ZBTB38: variants seen among roughly 807,000 people sequenced by gnomAD.
ZBTB38 encodes the protein zinc finger and BTB domain containing 38.
ZBTB38 carries 20 observed loss-of-function variants against 76.8 expected under a neutral mutation model. The ratio of observed to expected loss-of-function variants is 0.26; its 90% CI spans 0.18 to 0.38. The LOEUF is 0.38. Ranked by LOEUF, ZBTB38 falls within the 10% of genes least tolerant of loss-of-function variation. The pLI is 1.00. For missense variants in ZBTB38, 1,082 were observed against 1,482.3 expected, an observed-to-expected ratio of 0.73 and a Z score of 4.43; for synonymous variants, 504 against 544.2, an observed-to-expected ratio of 0.93 and a Z score of 1.03.
Position 141,444,151 on chromosome 3 carries a change from A to T in ZBTB38, c.1763A>T (p.Asn588Ile), listed in dbSNP as rs201503155. 190 of 1,614,034 alleles carry T rather than the reference A, an allele frequency of 1.2e-4. No individual in the cohort carries two copies. Among genetic ancestry groups the T allele is most frequent in the Non-Finnish European group, 1.5e-4 (178 of 1,179,926 alleles). Residue 588 changes from asparagine (N) to isoleucine (I), a missense_variant, in exon 6 of 6, where the codon AAT becomes ATT. Physicochemically the swap from Asn to Ile is moderately radical, Grantham distance 149. Transcript: ENST00000321464. This position sits in a 1 kb window ranked among gnomAD's most constrained non-coding sequence, Gnocchi z 5.1. ...AGCTACCGAAATTCTTCCTATGAAA[A>T]TGCACGAGAAAACAGTCAAATGAAT... ...YKSYRNSSYENARENSQMNES... is the reference protein window; with the variant it reads ...YKSYRNSSYEIARENSQMNES...
chr3:141,441,288 G>C (rs1432789104), intron 5 of ZBTB38, among the ~76,000 whole-genome samples: 1 of 152,168 alleles, frequency 6.6e-6, no homozygotes, highest in Non-Finnish European at 1.5e-5. Flanking sequence ...ATACAGAGAA[G>C]AATGGAGATG....
At chr3:141,354,486 CT>C (rs1943606250) in intron 1 of ZBTB38, among the ~76,000 whole-genome samples, 1 of 152,092 alleles carries the variant, frequency 6.6e-6, no homozygotes. Context: ...CCCCTCCTCT[CT>C]CTCCCAGCTG....
intron 5 of ZBTB38, among the ~76,000 whole-genome samples, chr3:141,421,076 T>C (rs2075250859): frequency 6.6e-6 from 1 of 152,000 alleles, no homozygotes; most frequent in Non-Finnish European, 1.5e-5. Context: ...CACTTACTAC[T>C]TGCTATGTAC....
chr3:141,445,343 A>C lies in ZBTB38; in HGVS notation c.2955A>C (p.Glu985Asp). 1 of 1,614,022 alleles carries C rather than the reference A, an allele frequency of 6.2e-7. No individual in the cohort carries two copies. The highest frequency in any genetic ancestry group is 8.5e-7 in the Non-Finnish European group (1 of 1,180,018). The change falls in exon 6 of 6, where the codon GAA (glutamate) becomes GAC (aspartate). Residue 985 changes from glutamate (E) to aspartate (D), a missense_variant. By Grantham distance (45) the Glu-to-Asp change is conservative. This residue lies in a region of ZBTB38 where 471 missense variants were observed against 581.0 expected (regional missense o/e 0.81). Coordinates refer to ENST00000321464, the MANE Select transcript of ZBTB38 (RefSeq NM_001376113.1). The surrounding 1 kb of genome is among the most constrained non-coding windows in gnomAD (Gnocchi z 6.5). ...AAGAGATGCCCAAGCTGCAGTGTGA[A>C]CTCTGTGATGGAGACAAAGCAGTGG... ...ETKEMPKLQC[E>D]LCDGDKAVGA...
At chr3:141,401,506 C>A (rs2149547086) in intron 4 of ZBTB38, among the ~76,000 whole-genome samples, 1 of 152,174 alleles carries the variant, frequency 6.6e-6, no homozygotes, top group East Asian at 1.9e-4. Context: ...TGATCACATT[C>A]TTAAAACATG....
At chr3:141,415,696 C>T (rs546387215) in intron 5 of ZBTB38, among the ~76,000 whole-genome samples, 14 of 152,236 alleles carry the variant, frequency 9.2e-5, no homozygotes, top group Admixed American at 2.6e-4. Context: ...TGGTCTTAGG[C>T]GGTGGGGTTG....
chr3:141,340,923 A>T (rs1463050473), intron 1 of ZBTB38, among the ~76,000 whole-genome samples: 2 of 100,646 alleles, frequency 2.0e-5, no homozygotes, highest in African/African-American at 1.2e-4. Flanking sequence ...AGAAAAGGAA[A>T]GGAAAAAAGA....
intron 5 of ZBTB38, among the ~76,000 whole-genome samples, chr3:141,441,307 A>C (rs112955699): frequency 1.3e-5 from 2 of 152,332 alleles, no homozygotes; most frequent in African/African-American, 4.8e-5. Flanking sequence ...TGGGATCCTC[A>C]GACCAGAACA....
At chr3:141,434,705 T>C (rs9827544) in intron 5 of ZBTB38, among the ~76,000 whole-genome samples, 13,734 of 152,154 alleles carry the variant, frequency 0.09, 2,125 homozygotes, top group African/African-American at 0.31. Context: ...CCAGTGGCAT[T>C]TATATAAAGT....
intron 1 of ZBTB38, among the ~76,000 whole-genome samples, chr3:141,359,521 A>G (rs1311960157): frequency 6.6e-6 from 1 of 152,242 alleles, no homozygotes; most frequent in Non-Finnish European, 1.5e-5. Context: ...GTTTGCCACA[A>G]GAGACAAAGA....
chr3:141,352,562 G>T (rs1943548315), intron 1 of ZBTB38, among the ~76,000 whole-genome samples: 1 of 152,054 alleles, frequency 6.6e-6, no homozygotes, highest in African/African-American at 2.4e-5. Context: ...GTTGGCTCAA[G>T]GAATAGCTAG....
rs1247295278 is a variant in ZBTB38 at position 141,445,583 on chromosome 3, G to A, written c.3195G>A (p.Glu1065=). ...AACGCATCCACCTGGGCTTGAAGGAGTTCGTCTGTCAGTATTGCAACAAGG... is the reference window on the plus strand; with the variant it reads ...AACGCATCCACCTGGGCTTGAAGGAATTCGTCTGTCAGTATTGCAACAAGG... The part of the protein sequence containing the change: ...KHERIHLGLK[E]FVCQYCNKAF... Residue 1065 remains glutamate (E), a synonymous_variant, in exon 6 of 6, where the codon GAG becomes GAA. Coordinates refer to ENST00000321464, the MANE Select transcript of ZBTB38 (RefSeq NM_001376113.1). This position sits in a 1 kb window ranked among gnomAD's most constrained non-coding sequence, Gnocchi z 6.5. 6.2e-7 allele frequency: 1 copy of A among 1,614,118 alleles called. No individual in the cohort carries two copies. Among genetic ancestry groups the A allele is most frequent in the African/African-American group, 1.3e-5 (1 of 74,938 alleles).
chr3:141,379,886 T>C (rs995269011), intron 2 of ZBTB38, among the ~76,000 whole-genome samples: 2 of 152,234 alleles, frequency 1.3e-5, no homozygotes, highest in Non-Finnish European at 2.9e-5. Flanking sequence ...TGCTTAAAAT[T>C]ATATTTAGTT....
At chr3:141,355,992 G>A (rs1220974568) in intron 1 of ZBTB38, among the ~76,000 whole-genome samples, 4 of 151,592 alleles carry the variant, frequency 2.6e-5, no homozygotes, top group Non-Finnish European at 4.4e-5. Context: ...TGGTAAGGCC[G>A]CAGCAGTAAA....
rs1577028440 is a variant in ZBTB38, at chr3:141,398,101, G to A, written c.-105-5826G>A. Reference sequence around the variant, plus strand: ...GATTTTTTCCCAATAATTAAAAAATGTATAAACTATTCTTAGCTTGTAGGC... The same window carrying A: ...GATTTTTTCCCAATAATTAAAAAATATATAAACTATTCTTAGCTTGTAGGC... On this transcript the variant is annotated intron_variant, in intron 4 of 5. Coordinates refer to ENST00000321464, the MANE Select transcript of ZBTB38 (RefSeq NM_001376113.1). Among the ~76,000 whole-genome samples, 3 of 152,310 alleles carry A rather than the reference G, an allele frequency of 2.0e-5. No homozygotes were observed. The South Asian group carries it at 6.2e-4, about 32-fold the overall frequency.
At chr3:141,424,640 G>A (rs1489865866) in intron 5 of ZBTB38, among the ~76,000 whole-genome samples, 1 of 147,470 alleles carries the variant, frequency 6.8e-6, no homozygotes, top group Non-Finnish European at 1.5e-5. Context: ...GCCTGTATGT[G>A]TGTGTGTGCG....
At chr3:141,427,288 G>T (rs2076584653) in intron 5 of ZBTB38, among the ~76,000 whole-genome samples, 1 of 152,152 alleles carries the variant, frequency 6.6e-6, no homozygotes, top group African/African-American at 2.4e-5. Flanking sequence ...GACTTGTCAA[G>T]TAACTTTTAA....
At chr3:141,404,540 A>G (rs74582197) in intron 5 of ZBTB38, among the ~76,000 whole-genome samples, 16 of 152,242 alleles carry the variant, frequency 1.1e-4, no homozygotes, top group Non-Finnish European at 1.9e-4. Context: ...GCAGACAAAT[A>G]TTGACGGCCC....
At chr3:141,400,087 T>C (rs978821275) in intron 4 of ZBTB38, among the ~76,000 whole-genome samples, 3 of 150,418 alleles carry the variant, frequency 2.0e-5, no homozygotes, top group Non-Finnish European at 2.9e-5. Context: ...ATGATAAACT[T>C]TTACAGAAAA....
Sources: allele counts gnomAD v4.1 joint callset (sites outside exome capture counted in the v4.1 genomes callset), GRCh38; gene constraint gnomAD v4.1.1; regional missense constraint gnomAD v4.1.1; non-coding constraint Gnocchi (gnomAD v3.1); transcripts MANE v1.5; gene names NCBI Gene and HGNC (gene_info 2026-07-23, HGNC 2026-07-21).